POTEI: variants seen among roughly 807,000 people sequenced by gnomAD.
The protein encoded by POTEI is POTE ankyrin domain family member I, also known as POTE ankyrin domain family, member I.
A neutral mutation model predicts 43.4 loss-of-function variants in POTEI; 14 were observed. That is an observed-to-expected ratio of 0.32 (90% CI 0.21 to 0.50). The LOEUF (loss-of-function observed/expected upper bound fraction) is 0.50, where lower values mean the gene tolerates loss of function less well. POTEI is among the 20% of genes least tolerant of loss of function. The pLI is 0.98. For synonymous variants in POTEI, 95 were observed against 297.9 expected (o/e 0.32, Z 7.01); for missense variants, 235 against 795.4 (o/e 0.30, Z 8.47).
At chr2:130,468,398 A>G (rs1404472434) in intron 13 of POTEI, among the ~76,000 whole-genome samples, 1 of 152,254 alleles carries the variant, frequency 6.6e-6, no homozygotes, top group Non-Finnish European at 1.5e-5. Flanking sequence ...CATAAAGGAA[A>G]GAGGATTAAT....
chr2:130,500,379 T>C (rs1270701138), intron 4 of POTEI, among the ~76,000 whole-genome samples, 157 bp downstream of exon 4: 3 of 148,956 alleles, frequency 2.0e-5, no homozygotes, highest in Admixed American at 6.7e-5. Flanking sequence ...CTGTTCTTTA[T>C]GTTGCCCAGT....
intron 13 of POTEI, among the ~76,000 whole-genome samples, chr2:130,468,707 G>GGT (rs1553467560): frequency 7.3e-5 from 11 of 151,094 alleles, no homozygotes; most frequent in African/African-American, 2.4e-4. Flanking sequence ...AACTATTGGG[G>GGT]GGGGGGGTAT....
At chr2:130,464,739 CTACACTG>C (rs1682783991) in intron 14 of POTEI, among the ~76,000 whole-genome samples, 1 of 148,086 alleles carries the variant, frequency 6.8e-6, no homozygotes, top group Non-Finnish European at 1.5e-5. Flanking sequence ...CTGTACCCTT[CTACACTG>C]TACACATCTG....
At chr2:130,485,115 C>CG (rs1420335228) in intron 9 of POTEI, among the ~76,000 whole-genome samples, 310 of 151,326 alleles carry the variant, frequency 2.0e-3, no homozygotes, top group East Asian at 3.7e-3. Flanking sequence ...CAAATAGAGA[C>CG]GTCAAGTAGG....
chr2:130,486,761 C>CA lies in POTEI; in HGVS notation c.1409+1270dup, dbSNP rs1040871316. Among the ~76,000 whole-genome samples the CA allele has an allele frequency of 8.1e-5, 8 of 99,150 alleles. No individual in the cohort carries two copies. In the East Asian group the frequency reaches 2.1e-3, roughly 25 times the overall value. 65.0% of individuals were successfully genotyped at this position (99,150 alleles called of 152,430 possible). On this transcript the variant is annotated intron_variant, in intron 9 of 14. Coordinates refer to ENST00000451531, the MANE Select transcript of POTEI (RefSeq NM_001277406.2). ...TGGGAAACAGAGTGAGACCCTGTCT[C>CA]AAAAATAAATTAATTTATATAGTCC... is the stretch of plus-strand genomic sequence containing the variant.
intron 5 of POTEI, among the ~76,000 whole-genome samples, 180 bp from the exon 6 acceptor site, chr2:130,496,802 G>GA (rs1184062497): frequency 3.9e-5 from 5 of 129,632 alleles, no homozygotes; most frequent in Non-Finnish European, 5.0e-5. Flanking sequence ...AATTAAAGAC[G>GA]AAAAAAATGT....
intron 6 of POTEI, among the ~76,000 whole-genome samples, chr2:130,491,778 C>T (rs542583314): frequency 0.01 from 1,104 of 106,282 alleles, 5 homozygotes; most frequent in African/African-American, 0.032. Context: ...TCTCAGTCTC[C>T]GGAGAAGCTG....
chr2:130,491,515 C>T (rs1478805028), intron 6 of POTEI, among the ~76,000 whole-genome samples: 1 of 130,892 alleles, frequency 7.6e-6, no homozygotes, highest in Non-Finnish European at 1.6e-5. Context: ...CTTGGTCTCT[C>T]CTGCCTCCTG....
chr2:130,495,170 T>C (rs564791805), intron 6 of POTEI, among the ~76,000 whole-genome samples: 976 of 46,358 alleles, frequency 0.021, 262 homozygotes, highest in African/African-American at 0.043. Flanking sequence ...ACCTACTTTT[T>C]CCCAAAACTT....
chr2:130,479,207 TA>T, intron 10 of POTEI, among the ~76,000 whole-genome samples: 1 of 149,138 alleles, frequency 6.7e-6, no homozygotes, highest in Non-Finnish European at 1.5e-5. Flanking sequence ...ACTGGGAACA[TA>T]AACATTTACA....
Sources: allele counts gnomAD v4.1 joint callset (sites outside exome capture counted in the v4.1 genomes callset), GRCh38; gene constraint gnomAD v4.1.1; transcripts MANE v1.5; gene names NCBI Gene and HGNC (gene_info 2026-07-23, HGNC 2026-07-21).